Variants in SPOCK1 observed in about 807,000 individuals in gnomAD.
SPOCK1 encodes the protein SPARC (osteonectin), cwcv and kazal like domains proteoglycan 1.
Under a neutral mutation model 55.3 loss-of-function variants are expected in SPOCK1, and 23 were observed. That is an observed-to-expected ratio of 0.42 (90% CI 0.30 to 0.59). The LOEUF is 0.59. SPOCK1 is among the 20% of genes least tolerant of loss of function. The pLI is 0.22. For missense variants in SPOCK1, 499 were observed against 552.5 expected (o/e 0.90, Z 0.97); for synonymous variants, 226 against 221.0 (o/e 1.02, Z -0.20).
At chr5:137,268,142 A>T (rs2127117065) in intron 2 of SPOCK1, among the ~76,000 whole-genome samples, 1 of 152,330 alleles carries the variant, frequency 6.6e-6, no homozygotes, top group Middle Eastern at 3.4e-3. Flanking sequence ...TGTGAATTTT[A>T]TCAGCCTCAG....
At chr5:137,275,428 G>A (rs963751235) in intron 2 of SPOCK1, among the ~76,000 whole-genome samples, 1 of 152,202 alleles carries the variant, frequency 6.6e-6, no homozygotes, top group Non-Finnish European at 1.5e-5. Context: ...AGAAGCAGTG[G>A]TTTCCACCTT....
At chr5:137,245,220 ACAT>A (rs2127102544) in intron 3 of SPOCK1, among the ~76,000 whole-genome samples, 1 of 152,338 alleles carries the variant, frequency 6.6e-6, no homozygotes, top group East Asian at 1.9e-4. Flanking sequence ...AATAGTAAAC[ACAT>A]CATATTTCAC....
At chr5:136,998,738 T>C (rs941140372) in intron 6 of SPOCK1, among the ~76,000 whole-genome samples, 1 of 152,188 alleles carries the variant, frequency 6.6e-6, no homozygotes. Flanking sequence ...CAATGGTCTT[T>C]TGGAAGAACT....
intron 6 of SPOCK1, among the ~76,000 whole-genome samples, chr5:137,015,823 A>G (rs1469618945): frequency 3.9e-5 from 6 of 152,210 alleles, no homozygotes; most frequent in Admixed American, 3.9e-4. Flanking sequence ...GGAAGTGGCC[A>G]CAGAATGGGA....
rs1753475421 is a variant in SPOCK1, at chr5:137,111,615, T to C, written c.474+820A>G. Reference sequence around the variant, plus strand: ...TTTAGTTCATTATCCTGGTGAAACGTACCCATTCTCAATCACAAATGGCCA... The same window carrying C: ...TTTAGTTCATTATCCTGGTGAAACGCACCCATTCTCAATCACAAATGGCCA... On this transcript the variant is annotated intron_variant, in intron 5 of 10. Coordinates refer to ENST00000394945, the MANE Select transcript of SPOCK1 (RefSeq NM_004598.4). Among the ~76,000 whole-genome samples, 3 of 152,138 alleles carry C rather than the reference T, an allele frequency of 2.0e-5. No homozygotes were observed. In the South Asian group the frequency reaches 6.2e-4, roughly 32 times the overall value.
chr5:137,058,211 G>C (rs1036104109), intron 6 of SPOCK1, among the ~76,000 whole-genome samples: 1 of 152,164 alleles, frequency 6.6e-6, no homozygotes, highest in African/African-American at 2.4e-5. Context: ...TTGAATTTAG[G>C]TTAAGAACAC....
chr5:137,293,108 TTTTTTTTTTTTTTG>T (rs1438135267), intron 2 of SPOCK1, among the ~76,000 whole-genome samples: 34 of 130,730 alleles, frequency 2.6e-4, no homozygotes, highest in African/African-American at 8.6e-4. Flanking sequence ...TTTTTTTTTT[TTTTTTTTTTTTTTG>T]ATGCACATTG....
chr5:137,353,207 C>A (rs574492637), intron 2 of SPOCK1, among the ~76,000 whole-genome samples: 4 of 152,208 alleles, frequency 2.6e-5, no homozygotes, highest in African/African-American at 9.6e-5. Context: ...TGGCAAAACT[C>A]CATCTCTGCA....
At chr5:137,060,680 C>G (rs1023424807) in intron 6 of SPOCK1, among the ~76,000 whole-genome samples, 2 of 152,076 alleles carry the variant, frequency 1.3e-5, no homozygotes, top group Non-Finnish European at 2.9e-5. Flanking sequence ...TCTGGGCAAA[C>G]TATCAAAGCC....
At chr5:137,069,348 A>G (rs1465057912) in intron 5 of SPOCK1, among the ~76,000 whole-genome samples, 1 of 152,214 alleles carries the variant, frequency 6.6e-6, no homozygotes, top group Non-Finnish European at 1.5e-5. Flanking sequence ...CCTCTTGTGC[A>G]TATTTGTTCA....
At chr5:137,401,727 C>T (rs1285804821) in intron 2 of SPOCK1, among the ~76,000 whole-genome samples, 1 of 151,986 alleles carries the variant, frequency 6.6e-6, no homozygotes, top group Admixed American at 6.6e-5. Context: ...CTGGGTGACA[C>T]AGTGAGACCC....
rs1333250517 is a variant in SPOCK1 at position 137,140,494 on chromosome 5, T to C, written c.347+86A>G. The C allele has an allele frequency of 6.2e-6, 7 of 1,122,884 alleles. No homozygotes were observed. The Admixed American group carries it at 1.6e-4, about 26-fold the overall frequency. The allele number at this position is 1,122,884 out of a possible 1,614,324, so 69.6% of individuals were successfully genotyped here. On this transcript the variant is annotated intron_variant, in intron 4 of 10. Coordinates refer to ENST00000394945, the MANE Select transcript of SPOCK1 (RefSeq NM_004598.4). ...CTAACACTATGCTCTCCCCTCCCCA[T>C]ATCCCCACGTCAAAGACTGGAAACC...
At chr5:137,024,153 C>A (rs1751624228) in intron 6 of SPOCK1, among the ~76,000 whole-genome samples, 1 of 151,882 alleles carries the variant, frequency 6.6e-6, no homozygotes, top group Non-Finnish European at 1.5e-5. Context: ...AAAACTTTGG[C>A]TTTTGAACAG....
intron 6 of SPOCK1, among the ~76,000 whole-genome samples, chr5:137,017,473 A>G (rs982126536): frequency 3.3e-5 from 5 of 152,350 alleles, no homozygotes; most frequent in Admixed American, 1.3e-4. Context: ...ATGTAAACAA[A>G]TAATATGTAA....
chr5:137,405,281 T>A (rs542669597), intron 2 of SPOCK1, among the ~76,000 whole-genome samples: 1 of 152,340 alleles, frequency 6.6e-6, no homozygotes, highest in South Asian at 2.1e-4. Context: ...GGGAATCCCC[T>A]CATCAATTCA....
At chr5:137,253,971 G>A (rs1756588709) in intron 3 of SPOCK1, among the ~76,000 whole-genome samples, 1 of 152,218 alleles carries the variant, frequency 6.6e-6, no homozygotes, top group Non-Finnish European at 1.5e-5. Flanking sequence ...CCATTTCTGG[G>A]TGAAGGAATC....
At chr5:137,399,369 G>GTTA (rs779917819) in intron 2 of SPOCK1, among the ~76,000 whole-genome samples, 20 of 97,814 alleles carry the variant, frequency 2.0e-4, no homozygotes, top group African/African-American at 1.2e-3. Context: ...ATTGTTTGTT[G>GTTA]TTGTTGTTGT....
chr5:137,189,173 CAGAAG>C (rs1242922240), intron 3 of SPOCK1, among the ~76,000 whole-genome samples: 15 of 150,332 alleles, frequency 1.0e-4, no homozygotes, highest in African/African-American at 3.8e-4. Flanking sequence ...GCAAGTTATC[CAGAAG>C]ATCTAGCTAA....
At chr5:137,079,827 C>T (rs960431119) in intron 5 of SPOCK1, among the ~76,000 whole-genome samples, 2 of 152,126 alleles carry the variant, frequency 1.3e-5, no homozygotes, top group Non-Finnish European at 2.9e-5. Context: ...CTGGACATGA[C>T]CCTGACCACT....
Sources: gnomAD v4.1 joint callset for allele counts (sites outside exome capture counted in the v4.1 genomes callset) on GRCh38, gnomAD v4.1.1 for gene constraint, MANE v1.5 for transcripts, NCBI Gene and HGNC (gene_info 2026-07-23, HGNC 2026-07-21) for gene names.